Variants in RNFT2 observed in about 807,000 individuals in gnomAD.
The protein encoded by RNFT2 is ring finger protein, transmembrane 2.
RNFT2 carries 36 observed loss-of-function variants against 53.0 expected under a neutral mutation model. The observed-to-expected ratio is 0.68, with a 90% CI of 0.52 to 0.90. RNFT2 has a LOEUF of 0.90. Among genes scored for constraint, RNFT2 ranks in the 40% least tolerant of loss-of-function variants. RNFT2 has a pLI of 0.00. For missense variants in RNFT2, 514 were observed against 585.6 expected, an observed-to-expected ratio of 0.88 and a Z score of 1.26; for synonymous variants, 260 against 253.2, an observed-to-expected ratio of 1.03 and a Z score of -0.26.
At position 116,750,024 on chromosome 12, in the gene RNFT2, C is replaced by T. The variant is rs1271922375; in HGVS notation, c.267C>T (p.Ile89=). 1.3e-6 allele frequency: 2 copies of T among 1,553,646 alleles called. No individual in the cohort carries two copies. The highest frequency in any genetic ancestry group is 1.7e-6 in the Non-Finnish European group (2 of 1,149,282). ...CGGCTGGCGGCGGGGACGTGTTCATCCAGATGCCCGCGTCCAGGGAGGAAG... is the reference window on the plus strand; with the variant it reads ...CGGCTGGCGGCGGGGACGTGTTCATTCAGATGCCCGCGTCCAGGGAGGAAG... ...GSSAGGGDVF[I]QMPASREEGG... is the part of the protein sequence containing the mutation. The change falls in exon 4 of 11, where the codon ATC becomes ATT. Residue 89 remains isoleucine, a synonymous_variant. Coordinates refer to ENST00000257575, the MANE Select transcript of RNFT2 (RefSeq NM_001382266.1).
chr12:116,792,503 C>G (rs1479328059), intron 7 of RNFT2, among the ~76,000 whole-genome samples: 1 of 152,178 alleles, frequency 6.6e-6, no homozygotes, highest in Non-Finnish European at 1.5e-5. Context: ...GCACCCCTTT[C>G]TTGCGCCTCC....
chr12:116,746,028 G>A (rs368376444), intron 3 of RNFT2, among the ~76,000 whole-genome samples: 25 of 152,256 alleles, frequency 1.6e-4, no homozygotes, highest in East Asian at 9.7e-4. Flanking sequence ...CTTGAGCTCC[G>A]GAGTTCGAGA....
At chr12:116,778,666 A>G (rs1316729117) in intron 6 of RNFT2, among the ~76,000 whole-genome samples, 1 of 152,238 alleles carries the variant, frequency 6.6e-6, no homozygotes, top group Non-Finnish European at 1.5e-5. Context: ...CCTCGCCAAC[A>G]TGGCGAAACC....
chr12:116,753,711 C>T (rs984271969), intron 4 of RNFT2, among the ~76,000 whole-genome samples: 8 of 152,274 alleles, frequency 5.3e-5, no homozygotes, highest in African/African-American at 1.9e-4. Context: ...TTGAACCCAG[C>T]CCTTACCAGA....
chr12:116,812,669 C>A (rs1235368203), intron 7 of RNFT2, among the ~76,000 whole-genome samples: 4 of 151,606 alleles, frequency 2.6e-5, no homozygotes, highest in African/African-American at 4.8e-5. Context: ...TGAGTAGCTG[C>A]GATTACAGCA....
rs1402778453 is a variant in RNFT2, at chr12:116,849,785, T to C, written c.*337T>C. ...TGTTGGTTATTTTCTCTTTCTTTTT[T>C]CTTTTCTTTTCTTTCTCTCTCTCTC... is the stretch of plus-strand genomic sequence containing the variant. On this transcript the variant is annotated 3_prime_UTR_variant, in exon 11 of 11. Coordinates refer to ENST00000257575, the MANE Select transcript of RNFT2 (RefSeq NM_001382266.1). 3 of 1,049,584 alleles carry C rather than the reference T, an allele frequency of 2.9e-6. No individual in the cohort carries two copies. The highest frequency in any genetic ancestry group is 4.7e-5 in the South Asian group (1 of 21,294). 65.0% of individuals were successfully genotyped at this position (1,049,584 alleles called of 1,614,324 possible). A position where few individuals can be genotyped will look rare whatever the true frequency, so the allele number is the denominator to read the frequency against.
intron 7 of RNFT2, among the ~76,000 whole-genome samples, chr12:116,797,194 T>C (rs1262116916): frequency 2.0e-5 from 3 of 152,218 alleles, no homozygotes; most frequent in African/African-American, 7.2e-5. Flanking sequence ...TGGACTGAAC[T>C]GTGCCCCCCA....
At chr12:116,824,593 C>G (rs1313928585) in intron 7 of RNFT2, among the ~76,000 whole-genome samples, 1 of 152,114 alleles carries the variant, frequency 6.6e-6, no homozygotes, top group African/African-American at 2.4e-5. Flanking sequence ...AAGTTCCAGA[C>G]AGTAGGATAG....
At chr12:116,792,629 G>A (rs1384114752) in intron 7 of RNFT2, among the ~76,000 whole-genome samples, 1 of 152,154 alleles carries the variant, frequency 6.6e-6, no homozygotes, top group Non-Finnish European at 1.5e-5. Flanking sequence ...AATCTAGCCT[G>A]TAGAAAGTGA....
intron 7 of RNFT2, among the ~76,000 whole-genome samples, chr12:116,808,068 G>A (rs1187092240): frequency 2.0e-5 from 3 of 152,000 alleles, no homozygotes; most frequent in East Asian, 1.9e-4. Context: ...GGTTCAAGTC[G>A]TTCTCCTGCC....
intron 10 of RNFT2, among the ~76,000 whole-genome samples, chr12:116,841,917 AT>A (rs1877341813): frequency 2.6e-5 from 1 of 38,366 alleles, no homozygotes; most frequent in African/African-American, 2.1e-4. Context: ...AAATATATAT[AT>A]AAAAATATAT....
At chr12:116,830,476 C>T (rs1328737053) in intron 7 of RNFT2, among the ~76,000 whole-genome samples, 1 of 152,064 alleles carries the variant, frequency 6.6e-6, no homozygotes, top group Non-Finnish European at 1.5e-5. Flanking sequence ...TTTGTAGACA[C>T]AAGATCTTGC....
chr12:116,799,741 G>T (rs557765908), intron 7 of RNFT2, among the ~76,000 whole-genome samples: 1 of 152,300 alleles, frequency 6.6e-6, no homozygotes, highest in East Asian at 1.9e-4. Context: ...CAGATCACCT[G>T]AGGTCACCTC....
At chr12:116,808,157 G>A (rs573653779) in intron 7 of RNFT2, among the ~76,000 whole-genome samples, 3 of 152,204 alleles carry the variant, frequency 2.0e-5, no homozygotes, top group African/African-American at 7.2e-5. Flanking sequence ...AGAGATGGGG[G>A]TTTCACCATG....
At chr12:116,842,618 G>C (rs1188075514) in intron 10 of RNFT2, among the ~76,000 whole-genome samples, 1 of 152,112 alleles carries the variant, frequency 6.6e-6, no homozygotes, top group Non-Finnish European at 1.5e-5. Flanking sequence ...CTGTCACCCA[G>C]GCTAGAGTGC....
chr12:116,841,846 A>AAT (rs1240258969), intron 10 of RNFT2, among the ~76,000 whole-genome samples: 5 of 23,342 alleles, frequency 2.1e-4, no homozygotes, highest in Middle Eastern at 9.1e-3. Flanking sequence ...TATATATATA[A>AAT]ATATATATAA....
chr12:116,795,596 G>A (rs1432664352), intron 7 of RNFT2, among the ~76,000 whole-genome samples: 1 of 152,094 alleles, frequency 6.6e-6, no homozygotes, highest in Admixed American at 6.6e-5. Context: ...AATGGCTCAC[G>A]GCTACTAGGG....
chr12:116,820,782 T>G (rs1875973010), intron 7 of RNFT2, among the ~76,000 whole-genome samples: 1 of 152,102 alleles, frequency 6.6e-6, no homozygotes, highest in East Asian at 1.9e-4. Context: ...TCTTTGAGCC[T>G]CTCTCTCCTC....
chr12:116,834,122 T>A (rs1165835970), intron 8 of RNFT2, among the ~76,000 whole-genome samples, 181 bp downstream of exon 8: 1 of 152,172 alleles, frequency 6.6e-6, no homozygotes, highest in Admixed American at 6.5e-5. Flanking sequence ...TATTTTATTT[T>A]ATTTATTTAT....
Sources: gnomAD v4.1 joint callset for allele counts (sites outside exome capture counted in the v4.1 genomes callset) on GRCh38, gnomAD v4.1.1 for gene constraint, MANE v1.5 for transcripts, NCBI Gene and HGNC (gene_info 2026-07-23, HGNC 2026-07-21) for gene names.